Variants in HTR5A observed in about 807,000 individuals in gnomAD.
HTR5A encodes 5-HT-5.
Under a neutral mutation model 24.3 loss-of-function variants are expected in HTR5A, and 21 were observed. That is an observed-to-expected ratio of 0.86 (90% CI 0.61 to 1.24). HTR5A has a LOEUF of 1.24. HTR5A is among the 50% of genes most tolerant of loss of function. HTR5A has a pLI of 0.00. For missense variants in HTR5A, 497 were observed against 489.5 expected (o/e 1.02, Z -0.15); for synonymous variants, 260 against 213.7 (o/e 1.22, Z -1.89).
At chr7:155,077,309 G>T (rs1387560491) in intron 1 of HTR5A, 1 of 152,098 alleles carries the variant, frequency 6.6e-6, no homozygotes, top group Non-Finnish European at 1.5e-5. Flanking sequence ...ACACAGAATT[G>T]TTAAAGATTG....
intron 1 of HTR5A, among the ~76,000 whole-genome samples, chr7:155,082,383 G>C (rs147892842): frequency 6.6e-6 from 1 of 152,186 alleles, no homozygotes; most frequent in Non-Finnish European, 1.5e-5. Flanking sequence ...AGCGTGACCA[G>C]CATCTCCAGT....
At position 155,070,862 on chromosome 7, in the gene HTR5A, C is replaced by G; in HGVS notation, c.-38C>G. ...CCGCCTTAAGTCCTCCTGAACACCC[C>G]TTCTGCAAGTACCCCAGGGCGGTCT... On this transcript the variant is annotated 5_prime_UTR_variant, in exon 1 of 2. Coordinates refer to ENST00000287907, the MANE Select transcript of HTR5A (RefSeq NM_024012.4). 1 of 1,565,614 alleles carries G rather than the reference C, an allele frequency of 6.4e-7. No homozygotes were observed. The highest frequency in any genetic ancestry group is 8.6e-7 in the Non-Finnish European group (1 of 1,159,618).
chr7:155,077,506 T>G (rs1166366729), intron 1 of HTR5A, among the ~76,000 whole-genome samples: 2 of 148,544 alleles, frequency 1.3e-5, no homozygotes, highest in African/African-American at 4.9e-5. Flanking sequence ...CACTGTTGTC[T>G]AGGCCAGAGT....
intron 1 of HTR5A, among the ~76,000 whole-genome samples, chr7:155,072,981 C>T (rs116302935): frequency 1.4e-4 from 21 of 152,280 alleles, no homozygotes; most frequent in African/African-American, 5.1e-4. Flanking sequence ...AAGGGTAATA[C>T]TGCCCTCCAG....
At chr7:155,081,976 T>G (rs998080953) in intron 1 of HTR5A, among the ~76,000 whole-genome samples, 1 of 152,252 alleles carries the variant, frequency 6.6e-6, no homozygotes, top group Admixed American at 6.5e-5. Flanking sequence ...TGGAGTTCTA[T>G]GACTAAACTC....
chr7:155,082,522 G>C (rs1283356736), intron 1 of HTR5A, among the ~76,000 whole-genome samples: 1 of 152,204 alleles, frequency 6.6e-6, no homozygotes, highest in Non-Finnish European at 1.5e-5. Context: ...TCCACAGTGT[G>C]ACCATGTCTC....
chr7:155,077,466 G>GTTTTTTTTTT (rs11324160), intron 1 of HTR5A, among the ~76,000 whole-genome samples: 1 of 103,354 alleles, frequency 9.7e-6, no homozygotes. Context: ...TTTTTTTTTT[G>GTTTTTTTTTT]TTTTTTTTTT....
chr7:155,070,446 C>A lies in HTR5A; in HGVS notation c.-454C>A, dbSNP rs1333001106. ...CCCTAGCACGGAGTTAAGGCTGCAGCCGGCTGCCTAGAGAGAAGGGTGGGC... is the reference window on the plus strand; with the variant it reads ...CCCTAGCACGGAGTTAAGGCTGCAGACGGCTGCCTAGAGAGAAGGGTGGGC... On this transcript the variant is annotated 5_prime_UTR_variant, in exon 1 of 2. Transcript: ENST00000287907. 2.3e-6 allele frequency: 1 copy of A among 436,698 alleles called. No individual in the cohort carries two copies. Among genetic ancestry groups the A allele is most frequent in the Non-Finnish European group, 4.6e-6 (1 of 219,390 alleles). 27.1% of individuals were successfully genotyped at this position (436,698 alleles called of 1,614,324 possible). A position where few individuals can be genotyped will look rare whatever the true frequency, so the allele number is the denominator to read the frequency against.
chr7:155,071,592 G>A lies in HTR5A; in HGVS notation c.693G>A (p.Val231=). The change falls in exon 1 of 2, where the codon GTG becomes GTA. Residue 231 remains valine, a synonymous_variant. Coordinates refer to ENST00000287907, the MANE Select transcript of HTR5A (RefSeq NM_024012.4). ...WKIYKAAKFR[V]GSRKTNSVSP... ...TCTACAAGGCTGCCAAGTTCCGCGT[G>A]GGCTCCAGGAAGACCAATAGCGTCT... 6.2e-7 allele frequency: 1 copy of A among 1,614,186 alleles called. No homozygotes were observed. The highest frequency in any genetic ancestry group is 8.5e-7 in the Non-Finnish European group (1 of 1,180,044).
In HTR5A at chr7:155,071,239, T is replaced by C; in HGVS notation, c.340T>C (p.Cys114Arg). 6.2e-7 allele frequency: 1 copy of C among 1,604,794 alleles called. No individual in the cohort carries two copies. Among genetic ancestry groups the C allele is most frequent in the Non-Finnish European group, 8.5e-7 (1 of 1,179,918 alleles). Reference sequence around the variant, plus strand: ...CCGCTGGCAGCTAGGTCGGAGGCTGTGCCAGCTTTGGATCGCGTGCGACGT... The same window carrying C: ...CCGCTGGCAGCTAGGTCGGAGGCTGCGCCAGCTTTGGATCGCGTGCGACGT... ...GRRWQLGRRL[C>R]QLWIACDVLC... Residue 114 changes from cysteine (C) to arginine (R), a missense_variant, in exon 1 of 2, where the codon TGC becomes CGC. By Grantham distance (180) the Cys-to-Arg change is radical (BLOSUM62 -3). Coordinates refer to ENST00000287907, the MANE Select transcript of HTR5A (RefSeq NM_024012.4).
Position 155,078,751 on chromosome 7 carries a change from CT to C in HTR5A, c.742-5393del, listed in dbSNP as rs67688182. On this transcript the variant is annotated intron_variant, in intron 1 of 1. Transcript: ENST00000287907. ...TATAACTCTTCTATTTTCTGTGCTT[CT>C]TTTTTTTTTTACCATTTTTTCTTAT... Among the ~76,000 whole-genome samples the C allele has an allele frequency of 7.3e-3, 1,011 of 139,216 alleles. 23 individuals are homozygous for C. Among genetic ancestry groups the C allele is most frequent in the South Asian group, 0.032 (140 of 4,320 alleles). The allele number at this position is 139,216 out of a possible 152,430, so 91.3% of individuals were successfully genotyped here. A position where few individuals can be genotyped will look rare whatever the true frequency, so the allele number is the denominator to read the frequency against.
In HTR5A at chr7:155,085,716, A is replaced by G. The variant is rs553177701; in HGVS notation, c.*1229A>G. ...GTCTGCTATGTCTCTGACTCTTCAAATGCATGAATTAAAGAATGATATAAT... is the reference window on the plus strand; with the variant it reads ...GTCTGCTATGTCTCTGACTCTTCAAGTGCATGAATTAAAGAATGATATAAT... On this transcript the variant is annotated 3_prime_UTR_variant, in exon 2 of 2. Coordinates refer to ENST00000287907, the MANE Select transcript of HTR5A (RefSeq NM_024012.4). The G allele has an allele frequency of 7.9e-5, 12 of 152,328 alleles. No individual in the cohort carries two copies. The highest frequency in any genetic ancestry group is 1.8e-4 in the Non-Finnish European group (12 of 68,012). 9.4% of individuals were successfully genotyped at this position (152,328 alleles called of 1,614,324 possible). A position where few individuals can be genotyped will look rare whatever the true frequency, so the allele number is the denominator to read the frequency against.
At chr7:155,082,775 T>C (rs1248384400) in intron 1 of HTR5A, among the ~76,000 whole-genome samples, 1 of 152,220 alleles carries the variant, frequency 6.6e-6, no homozygotes, top group South Asian at 2.1e-4. Flanking sequence ...TTTCTATAAA[T>C]GAATCCCCTC....
chr7:155,074,383 C>T (rs1563419944), intron 1 of HTR5A, among the ~76,000 whole-genome samples: 1 of 152,122 alleles, frequency 6.6e-6, no homozygotes, highest in Non-Finnish European at 1.5e-5. Context: ...TGTCTAGGCA[C>T]AGTTTGCCTA....
In HTR5A at chr7:155,071,756, TG is replaced by T. The variant is rs143402988; in HGVS notation, c.741+122del. 7.9e-4 allele frequency: 885 copies of T among 1,114,024 alleles called. 7 individuals are homozygous for T. In the African/African-American group the frequency reaches 0.013, roughly 16 times the overall value. 69.0% of individuals were successfully genotyped at this position (1,114,024 alleles called of 1,614,324 possible). A position where few individuals can be genotyped will look rare whatever the true frequency, so the allele number is the denominator to read the frequency against. Reference sequence around the variant, plus strand: ...AAATGGAACTTTTTGTGTTTGGGAGTGGGGGGAGTAAACTGGGAGAGTGGAA... The same window carrying T: ...AAATGGAACTTTTTGTGTTTGGGAGTGGGGGAGTAAACTGGGAGAGTGGAA... On this transcript the variant is annotated intron_variant, in intron 1 of 1. Coordinates refer to ENST00000287907, the MANE Select transcript of HTR5A (RefSeq NM_024012.4).
At chr7:155,079,232 C>A (rs1009140048) in intron 1 of HTR5A, among the ~76,000 whole-genome samples, 8 of 152,322 alleles carry the variant, frequency 5.3e-5, no homozygotes, top group African/African-American at 1.9e-4. Context: ...GGATTACAGG[C>A]ATGAGCCCCC....
In HTR5A at chr7:155,070,603, C is replaced by A; in HGVS notation, c.-297C>A. On this transcript the variant is annotated 5_prime_UTR_variant, in exon 1 of 2. Coordinates refer to ENST00000287907, the MANE Select transcript of HTR5A (RefSeq NM_024012.4). The stretch of plus-strand genomic sequence containing the variant: ...CTGGGCGGCCAAACAGCCTTTCCAC[C>A]AAGGCGAGGAGCCCTGGGCTCCTGA... 2.2e-6 allele frequency: 1 copy of A among 457,420 alleles called. No homozygotes were observed. Among genetic ancestry groups the A allele is most frequent in the Non-Finnish European group, 4.0e-6 (1 of 250,510 alleles). 28.3% of individuals were successfully genotyped at this position (457,420 alleles called of 1,614,324 possible). A position where few individuals can be genotyped will look rare whatever the true frequency, so the allele number is the denominator to read the frequency against.
chr7:155,079,470 CTTAG>C (rs990025551), intron 1 of HTR5A, among the ~76,000 whole-genome samples: 6 of 152,174 alleles, frequency 3.9e-5, no homozygotes, highest in Non-Finnish European at 8.8e-5. Context: ...TTGAGACTAT[CTTAG>C]TTAGGATTTT....
intron 1 of HTR5A, among the ~76,000 whole-genome samples, chr7:155,080,808 A>G (rs1407681527): frequency 1.3e-5 from 2 of 152,072 alleles, no homozygotes; most frequent in African/African-American, 4.8e-5. Context: ...TTCTGATGGA[A>G]TGGGGTTTTC....
Sources: gnomAD v4.1 joint callset for allele counts (sites outside exome capture counted in the v4.1 genomes callset) on GRCh38, gnomAD v4.1.1 for gene constraint, MANE v1.5 for transcripts, NCBI Gene and HGNC (gene_info 2026-07-23, HGNC 2026-07-21) for gene names.